The following MTAP variants were observed in gnomAD, a reference collection of about 807,000 sequenced individuals.
MTAP encodes the protein S-methyl-5'-thioadenosine phosphorylase.
Under a neutral mutation model 33.6 loss-of-function variants are expected in MTAP, and 33 were observed. The ratio of observed to expected loss-of-function variants is 0.98; its 90% CI spans 0.74 to 1.31. MTAP has a LOEUF of 1.31. Among genes scored for constraint, MTAP ranks in the 40% most tolerant of loss-of-function variants. MTAP has a pLI of 0.00. For missense variants in MTAP, 367 were observed against 360.0 expected (o/e 1.02, Z -0.16); for synonymous variants, 148 against 125.7 (o/e 1.18, Z -1.19).
intron 1 of MTAP, among the ~76,000 whole-genome samples, chr9:21,907,010 A>G (rs1477658080): frequency 1.3e-5 from 2 of 152,208 alleles, no homozygotes; most frequent in Non-Finnish European, 2.9e-5. Flanking sequence ...GTTATTTTCC[A>G]CCAACTAAGG....
At chr9:21,816,195 C>T (rs977917148) in intron 2 of MTAP, among the ~76,000 whole-genome samples, 1 of 152,162 alleles carries the variant, frequency 6.6e-6, no homozygotes, top group African/African-American at 2.4e-5. Flanking sequence ...ACCTTGTGTG[C>T]TCCCAGTCCT....
rs757308325 is a variant in MTAP, at chr9:21,859,344, T to G, written c.732T>G (p.Ala244=). 1 of 1,613,664 alleles carries G rather than the reference T, an allele frequency of 6.2e-7. No homozygotes were observed. Among genetic ancestry groups the G allele is most frequent in the Non-Finnish European group, 8.5e-7 (1 of 1,179,772 alleles). ...DRVLKTLKEN[A]NKAKSLLLTT... ...TCTTAAAGACCCTGAAAGAAAACGC[T>G]AATAAAGCCAAAAGCTTACTGCTCA... The change falls in exon 7 of 8, where the codon GCT becomes GCG. Residue 244 remains alanine (A), a synonymous_variant. Coordinates refer to ENST00000644715, the MANE Select transcript of MTAP (RefSeq NM_002451.4).
chr9:21,938,143 G>A (rs763915769), downstream of MTAP, among the ~76,000 whole-genome samples: 4 of 152,180 alleles, frequency 2.6e-5, no homozygotes, highest in African/African-American at 4.8e-5. Context: ...GCATGGCGGC[G>A]TGTGCCTGTA....
chr9:21,912,290 G>C (rs1818591670), intron 1 of MTAP, among the ~76,000 whole-genome samples: 3 of 152,184 alleles, frequency 2.0e-5, no homozygotes, highest in Admixed American at 2.0e-4. Context: ...TATGAGGCCA[G>C]CATCATCCTG....
chr9:21,818,087 A>T lies in MTAP; in HGVS notation c.232A>T (p.Ile78Phe), dbSNP rs781625244. Residue 78 changes from isoleucine to phenylalanine, a missense_variant, in exon 4 of 8, where the codon ATC (isoleucine) becomes TTC (phenylalanine). By Grantham distance (21) the Ile-to-Phe change is conservative. Coordinates refer to ENST00000644715, the MANE Select transcript of MTAP (RefSeq NM_002451.4). ...MPSKVNYQAN[I>F]WALKEEGCTH... is the part of the protein sequence containing the mutation. ...TTCAAAGGTCAACTACCAGGCGAAC[A>T]TCTGGGCTTTGAAGGAAGAGGGCTG... The T allele has an allele frequency of 1.9e-6, 3 of 1,613,750 alleles. No individual in the cohort carries two copies. Among genetic ancestry groups the T allele is most frequent in the Non-Finnish European group, 8.5e-7 (1 of 1,179,956 alleles).
At chr9:21,849,662 A>T (rs1825465760) in intron 5 of MTAP, among the ~76,000 whole-genome samples, 1 of 152,202 alleles carries the variant, frequency 6.6e-6, no homozygotes. Context: ...CCCTGGAGGG[A>T]TTGCAGAGAT....
intron 4 of MTAP, among the ~76,000 whole-genome samples, chr9:21,835,297 G>C (rs989956894): frequency 1.3e-5 from 2 of 152,092 alleles, no homozygotes; most frequent in African/African-American, 4.8e-5. Flanking sequence ...CAAAACTTCA[G>C]ACCATAGCAG....
At chr9:21,806,891 C>T (rs1424890945) in intron 1 of MTAP, among the ~76,000 whole-genome samples, 3 of 152,118 alleles carry the variant, frequency 2.0e-5, no homozygotes, top group African/African-American at 4.8e-5. Context: ...TGGCCAGGCG[C>T]GGTGGCTCAT....
rs76278230 is a variant in MTAP at position 21,846,493 on chromosome 9, C to T, written c.451-8138C>T. 6.8e-3 allele frequency among the ~76,000 whole-genome samples: 1,024 copies of T among 151,658 alleles called. 21 individuals are homozygous for T. The highest frequency in any genetic ancestry group is 0.054 in the East Asian group (282 of 5,176). On this transcript the variant is annotated intron_variant, in intron 5 of 7. Coordinates refer to ENST00000644715, the MANE Select transcript of MTAP (RefSeq NM_002451.4). ...TGGCCAACACACATGAAAAAATGCT[C>T]AAAATTACTAATCCAGGAAATGCAA...
intron 5 of MTAP, among the ~76,000 whole-genome samples, chr9:21,847,543 C>T (rs762998349): frequency 2.0e-5 from 3 of 152,214 alleles, no homozygotes; most frequent in African/African-American, 4.8e-5. Context: ...ATTCATCACT[C>T]GTGAGAGGCA....
intron 5 of MTAP, among the ~76,000 whole-genome samples, chr9:21,842,437 C>T (rs1431910374): frequency 6.6e-6 from 1 of 152,164 alleles, no homozygotes; most frequent in East Asian, 1.9e-4. Context: ...AAAAGATGAT[C>T]AGCTAGGCAC....
chr9:21,830,106 A>G (rs1824929995), intron 4 of MTAP, among the ~76,000 whole-genome samples: 1 of 152,240 alleles, frequency 6.6e-6, no homozygotes, highest in Non-Finnish European at 1.5e-5. Flanking sequence ...AGTAAATTCC[A>G]TAGCAATTAA....
At chr9:21,839,994 A>G (rs909640558) in intron 5 of MTAP, among the ~76,000 whole-genome samples, 2 of 152,252 alleles carry the variant, frequency 1.3e-5, no homozygotes, top group African/African-American at 2.4e-5. Context: ...TGGAAGGCCA[A>G]GGCAGGCGGA....
chr9:21,923,379 T>G (rs1444335407), intron 1 of MTAP, among the ~76,000 whole-genome samples: 1 of 152,182 alleles, frequency 6.6e-6, no homozygotes, highest in African/African-American at 2.4e-5. Flanking sequence ...TTTTTTGAGT[T>G]AGCACCCCCT....
chr9:21,855,541 C>G (rs1825621729), intron 6 of MTAP, among the ~76,000 whole-genome samples: 1 of 151,846 alleles, frequency 6.6e-6, no homozygotes, highest in South Asian at 2.1e-4. Flanking sequence ...AGGAGGGAGA[C>G]TGGGGAGAAG....
chr9:21,926,271 G>GA (rs1818867918), intron 1 of MTAP, among the ~76,000 whole-genome samples: 1 of 152,096 alleles, frequency 6.6e-6, no homozygotes. Flanking sequence ...TCCCCTAATT[G>GA]AAAAATGTCT....
intron 1 of MTAP, among the ~76,000 whole-genome samples, chr9:21,894,658 A>T (rs1378725780): frequency 6.6e-6 from 1 of 151,572 alleles, no homozygotes; most frequent in African/African-American, 2.4e-5. Flanking sequence ...TGACGAGTTA[A>T]TGGGTGCAGC....
intron 1 of MTAP, among the ~76,000 whole-genome samples, chr9:21,804,919 C>T (rs1430536093): frequency 6.6e-6 from 1 of 152,200 alleles, no homozygotes; most frequent in Non-Finnish European, 1.5e-5. Flanking sequence ...GGTCTCTGCC[C>T]TGTTTTCTTG....
chr9:21,833,206 G>A (rs1825016425), intron 4 of MTAP, among the ~76,000 whole-genome samples: 1 of 151,456 alleles, frequency 6.6e-6, no homozygotes, highest in South Asian at 2.1e-4. Flanking sequence ...TCTTTTTTTT[G>A]AGACAAGATC....
Sources: gnomAD v4.1 joint callset for allele counts (sites outside exome capture counted in the v4.1 genomes callset) on GRCh38, gnomAD v4.1.1 for gene constraint, MANE v1.5 for transcripts, NCBI Gene and HGNC (gene_info 2026-07-23, HGNC 2026-07-21) for gene names.